Variants in NCKAP1 observed in about 807,000 individuals in gnomAD.
The protein encoded by NCKAP1 is NCK associated protein 1.
Under a neutral mutation model 151.2 loss-of-function variants are expected in NCKAP1, and 21 were observed. The ratio of observed to expected loss-of-function variants is 0.14; its 90% CI spans 0.10 to 0.20. The LOEUF is 0.20. Ranked by LOEUF, NCKAP1 falls within the 10% of genes least tolerant of loss-of-function variation. The pLI, the probability that NCKAP1 is intolerant of heterozygous loss-of-function variation, is 1.00. For missense variants in NCKAP1, 933 were observed against 1,352.1 expected (o/e 0.69, Z 4.86); for synonymous variants, 484 against 451.8 (o/e 1.07, Z -0.90).
In NCKAP1 at chr2:182,912,309, A is replaced by G. The variant is rs1353673275; in HGVS notation, c.*13393T>C. The G allele has an allele frequency of 1.3e-5, 2 of 152,328 alleles. No homozygotes were observed. Among genetic ancestry groups the G allele is most frequent in the Non-Finnish European group, 1.5e-5 (1 of 68,024 alleles). The allele number at this position is 152,328 out of a possible 1,614,324, so 9.4% of individuals were successfully genotyped here. On this transcript the variant is annotated 3_prime_UTR_variant, in exon 31 of 31. Coordinates refer to ENST00000361354, the MANE Select transcript of NCKAP1 (RefSeq NM_013436.5). ...CTTACCCATTGCTAAAAATCAACCA[A>G]CTATAAACAGTTACCACAGTTCTGT... is the stretch of plus-strand genomic sequence containing the variant.
At chr2:182,958,441 G>C (rs1416892122) in intron 18 of NCKAP1, among the ~76,000 whole-genome samples, 1 of 152,194 alleles carries the variant, frequency 6.6e-6, no homozygotes, top group South Asian at 2.1e-4. Context: ...ACCATGCCTG[G>C]CCATGAAGAG....
chr2:183,035,995 G>A (rs1008315181), intron 1 of NCKAP1, among the ~76,000 whole-genome samples: 13 of 152,006 alleles, frequency 8.6e-5, no homozygotes, highest in African/African-American at 3.1e-4. Flanking sequence ...AAAAATATAA[G>A]GCAAGTGCTA....
chr2:183,021,067 A>G (rs1698789348), intron 2 of NCKAP1, among the ~76,000 whole-genome samples: 1 of 152,238 alleles, frequency 6.6e-6, no homozygotes, highest in African/African-American at 2.4e-5. Context: ...ATAACATTCA[A>G]CAACATTGTA....
chr2:182,953,032 C>G, intron 21 of NCKAP1, 81 bp downstream of exon 21: 1 of 1,480,706 alleles, frequency 6.8e-7, no homozygotes. Flanking sequence ...TGAATAAGTA[C>G]TTATTCACAA....
At chr2:182,952,945 TA>T in intron 21 of NCKAP1, 22 bp from the exon 22 acceptor site, 1 of 1,597,990 alleles carries the variant, frequency 6.3e-7, no homozygotes, top group Non-Finnish European at 8.5e-7. Context: ...CGTAAACTTA[TA>T]ACCGGAAGAA....
chr2:182,970,149 C>T (rs1383676206), intron 15 of NCKAP1, among the ~76,000 whole-genome samples: 1 of 152,144 alleles, frequency 6.6e-6, no homozygotes, highest in Non-Finnish European at 1.5e-5. Flanking sequence ...AGCCTGGGAC[C>T]TGATGGTTTC....
intron 15 of NCKAP1, among the ~76,000 whole-genome samples, chr2:182,976,118 T>C (rs1697817572): frequency 6.6e-6 from 1 of 152,126 alleles, no homozygotes; most frequent in South Asian, 2.1e-4. Flanking sequence ...CATTTAAAAA[T>C]ATATGGATTT....
intron 1 of NCKAP1, among the ~76,000 whole-genome samples, chr2:183,037,125 C>T (rs1187431195): frequency 6.6e-6 from 1 of 152,146 alleles, no homozygotes; most frequent in Admixed American, 6.5e-5. Context: ...AGTGGTCTTC[C>T]ACTCCTTACT....
At position 182,942,169 on chromosome 2, in the gene NCKAP1, A is replaced by C. The variant is rs904089683; in HGVS notation, c.2602-6T>G. 4 of 1,609,340 alleles carry C rather than the reference A, an allele frequency of 2.5e-6. No homozygotes were observed. The highest frequency in any genetic ancestry group is 1.7e-4 in the Middle Eastern group (1 of 6,000). On this transcript the variant is annotated splice_polypyrimidine_tract_variant and splice_region_variant and intron_variant, in intron 23 of 30. Coordinates refer to ENST00000361354, the MANE Select transcript of NCKAP1 (RefSeq NM_013436.5). ...ACATTCTCCACCACAAGTTTCTAAA[A>C]AAAAAAGAAAGATCCTAGGTCAGGC...
At chr2:182,941,535 G>A (rs1465858568) in intron 24 of NCKAP1, among the ~76,000 whole-genome samples, 2 of 152,310 alleles carry the variant, frequency 1.3e-5, no homozygotes, top group East Asian at 1.9e-4. Context: ...GTGGTTGTTT[G>A]GCCTGGGGCC....
chr2:182,994,346 T>A lies in NCKAP1; in HGVS notation c.790+493A>T, dbSNP rs924671853. On this transcript the variant is annotated intron_variant, in intron 8 of 30. Coordinates refer to ENST00000361354, the MANE Select transcript of NCKAP1 (RefSeq NM_013436.5). ...AGCTTTAGATTCCCCAGCTTTAAAA[T>A]AGACTACCTGGCCGGGTGCAGTGGC... 2.6e-5 allele frequency among the ~76,000 whole-genome samples: 4 copies of A among 151,998 alleles called. No individual in the cohort carries two copies. In the East Asian group the frequency reaches 7.7e-4, roughly 29 times the overall value.
intron 18 of NCKAP1, among the ~76,000 whole-genome samples, chr2:182,960,731 T>G (rs1697429292): frequency 1.3e-5 from 2 of 152,040 alleles, no homozygotes; most frequent in South Asian, 4.2e-4. Context: ...AATTGACAAA[T>G]GGGATCTAAT....
intron 14 of NCKAP1, 41 bp from the exon 15 acceptor site, chr2:182,976,992 A>T: frequency 7.4e-7 from 1 of 1,344,742 alleles, no homozygotes; most frequent in Non-Finnish European, 1.0e-6. Context: ...AAAGCAAATT[A>T]ATGTTTTCAC....
intron 16 of NCKAP1, among the ~76,000 whole-genome samples, chr2:182,966,122 T>C (rs1050786441): frequency 5.9e-5 from 9 of 152,142 alleles, no homozygotes; most frequent in Non-Finnish European, 1.2e-4. Context: ...GAAACTACTA[T>C]CACTATCCAC....
chr2:183,029,729 A>G (rs544121696), intron 1 of NCKAP1, among the ~76,000 whole-genome samples: 18 of 150,552 alleles, frequency 1.2e-4, no homozygotes, highest in African/African-American at 4.4e-4. Context: ...CTAAGATGGA[A>G]GGACTGCTTG....
chr2:183,016,918 T>C (rs1698700183), intron 2 of NCKAP1, among the ~76,000 whole-genome samples: 1 of 152,116 alleles, frequency 6.6e-6, no homozygotes, highest in Non-Finnish European at 1.5e-5. Context: ...CAAATGACAT[T>C]ATAGTGGGGA....
intron 6 of NCKAP1, among the ~76,000 whole-genome samples, chr2:183,000,574 T>C (rs1698357650): frequency 6.6e-6 from 1 of 152,188 alleles, no homozygotes; most frequent in Non-Finnish European, 1.5e-5. Context: ...GTGCAGTATT[T>C]TGAGGAATTC....
intron 9 of NCKAP1, among the ~76,000 whole-genome samples, chr2:182,986,799 CAA>C (rs1383071856): frequency 6.6e-6 from 1 of 151,620 alleles, no homozygotes; most frequent in Non-Finnish European, 1.5e-5. Context: ...ACTTATTTTT[CAA>C]ATAAAAAAAC....
chr2:182,927,399 T>G (rs1170629718), intron 29 of NCKAP1: 1 of 152,214 alleles, frequency 6.6e-6, no homozygotes, highest in Admixed American at 6.6e-5. Context: ...CTCCTCAAGT[T>G]AGTACTATAT....
Sources: gnomAD v4.1 joint callset for allele counts (sites outside exome capture counted in the v4.1 genomes callset) on GRCh38, gnomAD v4.1.1 for gene constraint, MANE v1.5 for transcripts, NCBI Gene and HGNC (gene_info 2026-07-23, HGNC 2026-07-21) for gene names.